SMIM36: variants seen among roughly 807,000 people sequenced by gnomAD.
The protein encoded by SMIM36 is small integral membrane protein 36.
the SMIM36 span, among the ~76,000 whole-genome samples, chr17:55,522,664 A>C: frequency 6.6e-6 from 1 of 152,168 alleles, no homozygotes; most frequent in Non-Finnish European, 1.5e-5. Flanking sequence ...GATTATTACA[A>C]TTTGAGGTGA....
intron 4 of SMIM36, among the ~76,000 whole-genome samples, chr17:55,465,296 A>G (rs117361844): frequency 0.011 from 1,733 of 152,326 alleles, 62 homozygotes; most frequent in Admixed American, 0.065. Context: ...ACCTTGGGGA[A>G]GTTATTTAAC....
At chr17:55,457,914 C>T (rs1909057840) in intron 4 of SMIM36, among the ~76,000 whole-genome samples, 1 of 152,156 alleles carries the variant, frequency 6.6e-6, no homozygotes, top group Non-Finnish European at 1.5e-5. Context: ...TTGACTATGT[C>T]ATTAATCCAA....
chr17:55,479,115 A>G (rs1276774624), intron 2 of SMIM36, among the ~76,000 whole-genome samples: 1 of 152,178 alleles, frequency 6.6e-6, no homozygotes, highest in Non-Finnish European at 1.5e-5. Context: ...AATGACTTCC[A>G]AGGACAGAGG....
the SMIM36 span, among the ~76,000 whole-genome samples, chr17:55,526,707 T>C: frequency 6.6e-6 from 1 of 152,210 alleles, no homozygotes; most frequent in African/African-American, 2.4e-5. Flanking sequence ...CACTTCTTTA[T>C]ATCACCAGTG....
At chr17:55,501,284 T>G (rs1169957147) in intron 1 of SMIM36, among the ~76,000 whole-genome samples, 1 of 70,304 alleles carries the variant, frequency 1.4e-5, no homozygotes, top group African/African-American at 5.1e-5. Flanking sequence ...ATATTATATA[T>G]TATATTTTAT....
the SMIM36 span, among the ~76,000 whole-genome samples, chr17:55,529,212 T>C: frequency 6.6e-6 from 1 of 152,202 alleles, no homozygotes; most frequent in Non-Finnish European, 1.5e-5. Context: ...AAAAGAGATA[T>C]TCATACAGAG....
intron 1 of SMIM36, among the ~76,000 whole-genome samples, chr17:55,486,019 C>CTT (rs72017867): frequency 7.0e-6 from 1 of 142,554 alleles, no homozygotes. Context: ...AAAGAGCTTT[C>CTT]TTTTTTTTTT....
At chr17:55,501,170 TA>T (rs1909940466) in intron 1 of SMIM36, among the ~76,000 whole-genome samples, 1 of 92,246 alleles carries the variant, frequency 1.1e-5, no homozygotes, top group Non-Finnish European at 2.0e-5. Flanking sequence ...TAATATATCT[TA>T]TATATTATAA....
At chr17:55,451,614 C>G (rs919810396) in intron 4 of SMIM36, among the ~76,000 whole-genome samples, 2 of 152,200 alleles carry the variant, frequency 1.3e-5, no homozygotes, top group Non-Finnish European at 2.9e-5. Flanking sequence ...AAAGATACAC[C>G]CTCTTTGTAC....
intron 3 of SMIM36, among the ~76,000 whole-genome samples, chr17:55,475,545 T>G (rs1364291062): frequency 6.6e-6 from 1 of 152,156 alleles, no homozygotes; most frequent in East Asian, 1.9e-4. Flanking sequence ...AGGCCTTGAC[T>G]TACTCACTGC....
At chr17:55,512,517 A>T (rs1910198490), upstream of SMIM36, among the ~76,000 whole-genome samples, 1 of 152,270 alleles carries the variant, frequency 6.6e-6, no homozygotes, top group Non-Finnish European at 1.5e-5. Context: ...GAGGAAGATC[A>T]GATACTGATC....
At chr17:55,507,313 G>A (rs1323795408) in intron 1 of SMIM36, among the ~76,000 whole-genome samples, 1 of 129,330 alleles carries the variant, frequency 7.7e-6, no homozygotes, top group African/African-American at 3.2e-5. Flanking sequence ...CAATAGCAAA[G>A]ACTTGGAACC....
At chr17:55,468,060 C>T (rs1909274855) in intron 3 of SMIM36, 1 of 152,300 alleles carries the variant, frequency 6.6e-6, no homozygotes, top group Admixed American at 6.5e-5. Context: ...TCCTACAAAA[C>T]TGTCCCACTC....
intron 4 of SMIM36, among the ~76,000 whole-genome samples, chr17:55,458,603 G>A (rs1193206800): frequency 7.5e-6 from 1 of 132,884 alleles, no homozygotes; most frequent in African/African-American, 2.9e-5. Flanking sequence ...ACATCCTAGC[G>A]GGCAGCCACA....
intron 4 of SMIM36, among the ~76,000 whole-genome samples, chr17:55,456,017 C>T (rs1205695224): frequency 2.1e-5 from 3 of 140,240 alleles, no homozygotes; most frequent in Admixed American, 7.7e-5. Flanking sequence ...ACCTGGGAGG[C>T]TGAGGTGGGA....
intron 1 of SMIM36, among the ~76,000 whole-genome samples, chr17:55,498,669 T>C (rs1289055771): frequency 6.6e-6 from 1 of 151,946 alleles, no homozygotes; most frequent in Non-Finnish European, 1.5e-5. Flanking sequence ...ATTTTTTTAG[T>C]TGAGGAAAAA....
At chr17:55,515,086 G>GTTTTTTTTTTTTTTTTTTTTTTT (rs1158864125), upstream of SMIM36, among the ~76,000 whole-genome samples, 1 of 54,084 alleles carries the variant, frequency 1.8e-5, no homozygotes, top group Non-Finnish European at 3.1e-5. Context: ...CTAGTCTAGT[G>GTTTTTTTTTTTTTTTTTTTTTTT]TTTTTTTTTT....
the SMIM36 span, among the ~76,000 whole-genome samples, chr17:55,524,114 C>T: frequency 6.6e-6 from 1 of 152,136 alleles, no homozygotes; most frequent in East Asian, 1.9e-4. Flanking sequence ...TCTGTTGTTC[C>T]CCTTTGCGTC....
chr17:55,491,247 CAAA>C (rs1206937453), intron 1 of SMIM36, among the ~76,000 whole-genome samples: 7 of 52,922 alleles, frequency 1.3e-4, no homozygotes, highest in African/African-American at 4.2e-4. Context: ...GTCTCCTCAC[CAAA>C]AAAAAAAAAA....
Sources: allele counts gnomAD v4.1 joint callset (sites outside exome capture counted in the v4.1 genomes callset), GRCh38; gene constraint gnomAD v4.1.1; transcripts MANE v1.5; gene names NCBI Gene and HGNC (gene_info 2026-07-23, HGNC 2026-07-21).